The following RNLS variants were observed in gnomAD, a reference collection of about 807,000 sequenced individuals.
RNLS encodes renalase.
In RNLS, 39 loss-of-function variants were observed where a neutral mutation model predicts 39.8. The ratio of observed to expected loss-of-function variants is 0.98; its 90% CI spans 0.76 to 1.28. The LOEUF (loss-of-function observed/expected upper bound fraction) is 1.28. Ranked by LOEUF, RNLS falls within the 50% of genes most tolerant of loss-of-function variation. RNLS has a pLI of 0.00. For missense variants in RNLS, 410 were observed against 413.3 expected (o/e 0.99, Z 0.07); for synonymous variants, 147 against 150.7 (o/e 0.98, Z 0.18).
chr10:88,450,170 G>A (rs1276434895), intron 4 of RNLS, among the ~76,000 whole-genome samples: 4 of 152,122 alleles, frequency 2.6e-5, no homozygotes, highest in Non-Finnish European at 4.4e-5. Context: ...CACCCTCTAG[G>A]AACAAGGGGT....
At chr10:88,542,967 T>A (rs1406868695) in intron 4 of RNLS, among the ~76,000 whole-genome samples, 1 of 152,134 alleles carries the variant, frequency 6.6e-6, no homozygotes, top group African/African-American at 2.4e-5. Context: ...GAGGACAAAG[T>A]TACCAGTAAA....
At chr10:88,434,493 T>C (rs1288490665) in intron 4 of RNLS, among the ~76,000 whole-genome samples, 4 of 152,186 alleles carry the variant, frequency 2.6e-5, no homozygotes, top group African/African-American at 9.6e-5. Flanking sequence ...TTGATGCATG[T>C]GTAAAAATAT....
At chr10:88,184,649 A>G in the RNLS span, among the ~76,000 whole-genome samples, 2 of 152,156 alleles carry the variant, frequency 1.3e-5, no homozygotes, top group South Asian at 4.1e-4. Flanking sequence ...TGCATAAATA[A>G]ATAGGTCACC....
intron 4 of RNLS, among the ~76,000 whole-genome samples, chr10:88,542,109 C>T (rs966135130): frequency 6.6e-6 from 1 of 152,054 alleles, no homozygotes; most frequent in Non-Finnish European, 1.5e-5. Flanking sequence ...AAGATAGATC[C>T]CTGTGATATA....
At chr10:88,422,005 C>T (rs1854441269) in intron 4 of RNLS, among the ~76,000 whole-genome samples, 1 of 152,228 alleles carries the variant, frequency 6.6e-6, no homozygotes, top group African/African-American at 2.4e-5. Flanking sequence ...TACTTGGTTT[C>T]TCAAGGGCAA....
chr10:88,373,984 C>T (rs190330175), intron 4 of RNLS, among the ~76,000 whole-genome samples: 24 of 151,906 alleles, frequency 1.6e-4, no homozygotes, highest in Non-Finnish European at 2.5e-4. Flanking sequence ...TTCAGTTAGC[C>T]CCATCTGTTA....
chr10:88,443,892 G>A (rs4403718), intron 4 of RNLS, among the ~76,000 whole-genome samples: 78,450 of 152,146 alleles, frequency 0.52, 20,785 homozygotes, highest in African/African-American at 0.65. Flanking sequence ...TCCACCTCTC[G>A]GGGCAGGGCA....
At chr10:88,582,953 G>C (rs966480872) in intron 1 of RNLS, 120 bp downstream of exon 1, 19 of 1,181,430 alleles carry the variant, frequency 1.6e-5, no homozygotes, top group Non-Finnish European at 2.2e-5. Flanking sequence ...CTACACGGCC[G>C]CTCAGGGAGC....
At chr10:88,555,061 G>GAT (rs766987901) in intron 4 of RNLS, among the ~76,000 whole-genome samples, 27 of 151,944 alleles carry the variant, frequency 1.8e-4, no homozygotes, top group South Asian at 4.1e-4. Context: ...GTAAGGCATA[G>GAT]ATATATATAT....
intron 4 of RNLS, among the ~76,000 whole-genome samples, chr10:88,464,268 A>G (rs1843089836): frequency 6.6e-6 from 1 of 152,158 alleles, no homozygotes; most frequent in African/African-American, 2.4e-5. Context: ...GAAAGAAGTG[A>G]TGACGAGAAA....
the RNLS span, among the ~76,000 whole-genome samples, chr10:88,233,156 G>T: frequency 6.6e-6 from 1 of 152,186 alleles, no homozygotes; most frequent in African/African-American, 2.4e-5. Flanking sequence ...TTGGCAGGCC[G>T]GACTGGACTG....
chr10:88,455,691 C>T (rs1162705313), intron 4 of RNLS, among the ~76,000 whole-genome samples: 2 of 152,158 alleles, frequency 1.3e-5, no homozygotes, highest in African/African-American at 4.8e-5. Flanking sequence ...CAGGCGTGAG[C>T]CACCACGCCT....
chr10:88,475,387 A>T lies in RNLS; in HGVS notation c.526+97516T>A, dbSNP rs139054886. On this transcript the variant is annotated intron_variant, in intron 4 of 6. Transcript: ENST00000331772. ...TTGAAATGAAGCAATCTTCTCCCTA[A>T]AAATTCTTCCTGGGGCTAGATCTTA... 3.2e-3 allele frequency among the ~76,000 whole-genome samples: 485 copies of T among 152,276 alleles called. 1 individual carries two copies. The highest frequency in any genetic ancestry group is 6.8e-3 in the Middle Eastern group (2 of 294).
intron 4 of RNLS, among the ~76,000 whole-genome samples, chr10:88,504,934 G>A (rs1322130971): frequency 6.6e-6 from 1 of 151,532 alleles, no homozygotes; most frequent in Admixed American, 6.6e-5. Flanking sequence ...AAATGGGGAT[G>A]CCAATAGGAT....
chr10:88,195,254 G>C, the RNLS span, among the ~76,000 whole-genome samples: 1 of 152,168 alleles, frequency 6.6e-6, no homozygotes, highest in Admixed American at 6.6e-5. Flanking sequence ...CATTGTAATT[G>C]CTTCTAAATT....
intron 4 of RNLS, among the ~76,000 whole-genome samples, chr10:88,444,637 G>A (rs1375812837): frequency 6.6e-6 from 1 of 152,140 alleles, no homozygotes; most frequent in African/African-American, 2.4e-5. Context: ...TGACCTGATG[G>A]AGCTGAAAAC....
Position 88,342,984 on chromosome 10 carries a change from G to A in RNLS, c.700+19568C>T, listed in dbSNP as rs144992517. Among the ~76,000 whole-genome samples the A allele has an allele frequency of 7.3e-3, 1,109 of 152,280 alleles. 20 individuals are homozygous for A. Among genetic ancestry groups the A allele is most frequent in the East Asian group, 0.022 (112 of 5,184 alleles). ...GTTACATCAGTAGATTTGAGTAGCT[G>A]CAACAGACTGTATGGCTTGCAAAGT... On this transcript the variant is annotated intron_variant, in intron 5 of 6. Coordinates refer to ENST00000331772, the MANE Select transcript of RNLS (RefSeq NM_001031709.3).
At chr10:88,333,522 T>G (rs1847268100) in intron 5 of RNLS, among the ~76,000 whole-genome samples, 1 of 152,192 alleles carries the variant, frequency 6.6e-6, no homozygotes. Context: ...TTGCTTTTGT[T>G]AAAGCAACAT....
intron 4 of RNLS, among the ~76,000 whole-genome samples, chr10:88,465,354 G>A (rs970763530): frequency 2.6e-5 from 4 of 152,042 alleles, no homozygotes; most frequent in African/African-American, 7.2e-5. Context: ...TGAGTATAGT[G>A]CTAAGGTAGT....
Sources: gnomAD v4.1 joint callset for allele counts (sites outside exome capture counted in the v4.1 genomes callset) on GRCh38, gnomAD v4.1.1 for gene constraint, MANE v1.5 for transcripts, NCBI Gene and HGNC (gene_info 2026-07-23, HGNC 2026-07-21) for gene names.